Variants in RNF216 observed in about 807,000 individuals in gnomAD.
RNF216 encodes ring finger protein 216.
RNF216 carries 72 observed loss-of-function variants against 110.8 expected under a neutral mutation model. The ratio of observed to expected loss-of-function variants is 0.65; its 90% CI spans 0.54 to 0.79. RNF216 has a LOEUF of 0.79. Among genes scored for constraint, RNF216 ranks in the 30% least tolerant of loss-of-function variants. The probability of loss-of-function intolerance (pLI) is 0.00; values close to 1 mark genes in which losing one functional copy is unlikely to be tolerated. For synonymous variants in RNF216, 495 were observed against 407.5 expected, an observed-to-expected ratio of 1.21 and a Z score of -2.59; for missense variants, 1,342 against 1,141.2, an observed-to-expected ratio of 1.18 and a Z score of -2.54.
chr7:5,698,218 T>C (rs774023119), intron 13 of RNF216, among the ~76,000 whole-genome samples: 1 of 152,176 alleles, frequency 6.6e-6, no homozygotes, highest in African/African-American at 2.4e-5. Flanking sequence ...CAAAAGGTCA[T>C]GTGGGCTTTC....
At chr7:5,726,987 G>C (rs888582) in intron 7 of RNF216, among the ~76,000 whole-genome samples, 124,763 of 152,120 alleles carry the variant, frequency 0.82, 53,109 homozygotes, top group Non-Finnish European at 0.92. Context: ...AGAAGGAAGA[G>C]TGGGAGCCTT....
chr7:5,713,690 G>T (rs1792864185), intron 11 of RNF216, among the ~76,000 whole-genome samples: 1 of 152,172 alleles, frequency 6.6e-6, no homozygotes, highest in African/African-American at 2.4e-5. Flanking sequence ...AACAAAAAGT[G>T]TCAGACATGA....
chr7:5,730,316 G>A (rs1794013177), intron 6 of RNF216, among the ~76,000 whole-genome samples: 1 of 152,124 alleles, frequency 6.6e-6, no homozygotes, highest in Admixed American at 6.5e-5. Flanking sequence ...TAGTACCAGT[G>A]GTAGGTATAT....
At chr7:5,726,274 C>A (rs1793746871) in intron 7 of RNF216, among the ~76,000 whole-genome samples, 1 of 152,012 alleles carries the variant, frequency 6.6e-6, no homozygotes, top group Admixed American at 6.5e-5. Context: ...GACCCTGTCT[C>A]AAACAAAACA....
intron 13 of RNF216, among the ~76,000 whole-genome samples, chr7:5,671,091 G>C (rs1268060554): frequency 6.6e-6 from 1 of 152,204 alleles, no homozygotes; most frequent in African/African-American, 2.4e-5. Context: ...TAACACAGAT[G>C]GACAACAGGA....
At chr7:5,771,086 G>A (rs897346196) in intron 1 of RNF216, among the ~76,000 whole-genome samples, 2 of 152,108 alleles carry the variant, frequency 1.3e-5, no homozygotes, top group South Asian at 4.1e-4. Flanking sequence ...GATTACAGGC[G>A]TGAGCCACCA....
chr7:5,748,051 C>T (rs1436478204), intron 3 of RNF216, among the ~76,000 whole-genome samples: 1 of 152,102 alleles, frequency 6.6e-6, no homozygotes, highest in Non-Finnish European at 1.5e-5. Context: ...CAAACTGTTG[C>T]TAAGCTCCAT....
chr7:5,757,526 T>C (rs1157082732), intron 2 of RNF216, among the ~76,000 whole-genome samples: 1 of 152,150 alleles, frequency 6.6e-6, no homozygotes, highest in Non-Finnish European at 1.5e-5. Context: ...TACAGAATCG[T>C]AGATGAGTAG....
intron 10 of RNF216, among the ~76,000 whole-genome samples, chr7:5,715,714 C>T (rs945477721): frequency 8.0e-5 from 12 of 149,284 alleles, no homozygotes; most frequent in East Asian, 4.0e-4. Context: ...ACTATAGCAA[C>T]GGATCCAATC....
intron 1 of RNF216, among the ~76,000 whole-genome samples, chr7:5,761,870 A>G (rs1158054813): frequency 1.3e-5 from 2 of 152,228 alleles, no homozygotes; most frequent in Non-Finnish European, 2.9e-5. Context: ...CATCTTATAC[A>G]TTGCTGGTTT....
chr7:5,660,355 A>G (rs1789033721), intron 13 of RNF216, among the ~76,000 whole-genome samples: 1 of 124,776 alleles, frequency 8.0e-6, no homozygotes, highest in Non-Finnish European at 1.6e-5. Flanking sequence ...GCAGTGGCGC[A>G]ATCTCGGCTC....
At chr7:5,717,526 T>C (rs1030040379) in intron 9 of RNF216, among the ~76,000 whole-genome samples, 3 of 152,108 alleles carry the variant, frequency 2.0e-5, no homozygotes, top group African/African-American at 7.2e-5. Flanking sequence ...AGCCCAAAGA[T>C]GCAACTGGGC....
chr7:5,711,940 G>T (rs1235897370), intron 12 of RNF216, 101 bp from the exon 13 acceptor site: 2 of 952,982 alleles, frequency 2.1e-6, no homozygotes, highest in African/African-American at 1.6e-5. Context: ...TTTTGAGCTG[G>T]ACATTCACAT....
At chr7:5,704,336 C>A (rs1792152470) in intron 13 of RNF216, among the ~76,000 whole-genome samples, 1 of 152,190 alleles carries the variant, frequency 6.6e-6, no homozygotes, top group African/African-American at 2.4e-5. Flanking sequence ...AAAGCAGGTG[C>A]CCTTAGTCTC....
At chr7:5,775,687 C>A (rs768643138) in intron 1 of RNF216, among the ~76,000 whole-genome samples, 32 of 151,830 alleles carry the variant, frequency 2.1e-4, no homozygotes, top group Non-Finnish European at 1.2e-4. Flanking sequence ...CTGGCCAACA[C>A]GGTAAAACCT....
rs770295200 is a variant in RNF216 at position 5,624,657 on chromosome 7, C to T, written c.2383-532G>A. Among the ~76,000 whole-genome samples the T allele has an allele frequency of 7.9e-5, 12 of 152,150 alleles. No homozygotes were observed. The highest frequency in any genetic ancestry group is 1.6e-4 in the Non-Finnish European group (11 of 68,010). ...AGGCCTCGGGGAGAGGAGGAAGGTGCGACAGTGAGGATGGTCCCCCTCGGA... is the reference window on the plus strand; with the variant it reads ...AGGCCTCGGGGAGAGGAGGAAGGTGTGACAGTGAGGATGGTCCCCCTCGGA... On this transcript the variant is annotated intron_variant, in intron 15 of 16. Coordinates refer to ENST00000389902, the MANE Select transcript of RNF216 (RefSeq NM_207111.4). This position sits in a 1 kb window ranked among gnomAD's most constrained non-coding sequence, Gnocchi z 4.4.
intron 3 of RNF216, among the ~76,000 whole-genome samples, chr7:5,751,264 T>C (rs1795314637): frequency 6.6e-6 from 1 of 152,138 alleles, no homozygotes; most frequent in South Asian, 2.1e-4. Flanking sequence ...CCCAAAATGA[T>C]GGTAACTGAG....
At chr7:5,636,625 A>G (rs1787411903) in intron 15 of RNF216, among the ~76,000 whole-genome samples, 1 of 152,172 alleles carries the variant, frequency 6.6e-6, no homozygotes, top group African/African-American at 2.4e-5. Context: ...AGAAGCCCCA[A>G]CAGATGCTGG....
chr7:5,741,116 C>G lies in RNF216; in HGVS notation c.901G>C (p.Asp301His). The change falls in exon 4 of 17, where the codon GAC (aspartate) becomes CAC (histidine). Residue 301 changes from aspartate to histidine, a missense_variant. Coordinates refer to ENST00000389902, the MANE Select transcript of RNF216 (RefSeq NM_207111.4). ...TCATCATCACTTGCTAACTGCTGGT[C>G]TTCAAACTCTCCTAGAGGATGGGCA... ...QPAHPLGEFE[D>H]QQLASDDEEP... 6.2e-7 allele frequency: 1 copy of G among 1,614,120 alleles called. No individual in the cohort carries two copies. Among genetic ancestry groups the G allele is most frequent in the East Asian group, 2.2e-5 (1 of 44,880 alleles).
Sources: gnomAD v4.1 joint callset for allele counts (sites outside exome capture counted in the v4.1 genomes callset) on GRCh38, gnomAD v4.1.1 for gene constraint, Gnocchi (gnomAD v3.1) non-coding constraint, MANE v1.5 for transcripts, NCBI Gene and HGNC (gene_info 2026-07-23, HGNC 2026-07-21) for gene names.